Variants in SCD5 observed in about 807,000 individuals in gnomAD.
SCD5 encodes the protein stearoyl-CoA desaturase 5, also known as acyl-CoA-desaturase 4.
In SCD5, 20 loss-of-function variants were observed where a neutral mutation model predicts 30.4. The observed-to-expected ratio is 0.66, with a 90% CI of 0.46 to 0.96. SCD5 has a LOEUF of 0.96. Ranked by LOEUF, SCD5 falls within the 40% of genes least tolerant of loss-of-function variation. The pLI is 0.00. For synonymous variants in SCD5, 173 were observed against 176.4 expected (o/e 0.98, Z 0.16); for missense variants, 381 against 443.3 (o/e 0.86, Z 1.26).
chr4:82,672,952 A>G (rs1041594355), intron 3 of SCD5, among the ~76,000 whole-genome samples: 4 of 152,146 alleles, frequency 2.6e-5, no homozygotes, highest in African/African-American at 4.8e-5. Context: ...TCACATGACC[A>G]TATCAATAGA....
At chr4:82,752,360 G>A (rs900632034) in intron 1 of SCD5, among the ~76,000 whole-genome samples, 3 of 151,734 alleles carry the variant, frequency 2.0e-5, no homozygotes, top group African/African-American at 7.3e-5. Flanking sequence ...GGAAGCACAG[G>A]GACGTGGGAA....
At chr4:82,658,160 C>A (rs930988784) in intron 3 of SCD5, among the ~76,000 whole-genome samples, 1 of 152,186 alleles carries the variant, frequency 6.6e-6, no homozygotes, top group African/African-American at 2.4e-5. Context: ...GAGAGGGCAT[C>A]CTTGTCTTGT....
chr4:82,761,358 T>G (rs1016907709), intron 1 of SCD5, among the ~76,000 whole-genome samples: 1 of 152,200 alleles, frequency 6.6e-6, no homozygotes, highest in Non-Finnish European at 1.5e-5. Flanking sequence ...CTGGGTCCTC[T>G]TCCTCCACTA....
chr4:82,695,491 G>A (rs148564618), intron 2 of SCD5, among the ~76,000 whole-genome samples: 35 of 152,278 alleles, frequency 2.3e-4, no homozygotes, highest in African/African-American at 7.5e-4. Flanking sequence ...GGGATAACTA[G>A]GGAAATGGAG....
At chr4:82,636,863 A>C (rs1162015385) in intron 3 of SCD5, 40 bp from the exon 4 acceptor site, 1 of 1,520,848 alleles carries the variant, frequency 6.6e-7, no homozygotes. Flanking sequence ...GGACCCGCTG[A>C]TGGGAGAGAG....
At position 82,664,596 on chromosome 4, in the gene SCD5, C is replaced by G. The variant is rs1430674864; in HGVS notation, c.569+16111G>C. ...TATGGAAAAGGTGAACATGCATGAA[C>G]AGATGGGAGATTTTATCAATGTCTA... On this transcript the variant is annotated intron_variant, in intron 3 of 4. Coordinates refer to ENST00000319540, the MANE Select transcript of SCD5 (RefSeq NM_001037582.3). Among the ~76,000 whole-genome samples, 5 of 152,048 alleles carry G rather than the reference C, an allele frequency of 3.3e-5. No homozygotes were observed. In the East Asian group the frequency reaches 7.7e-4, roughly 23 times the overall value.
intron 1 of SCD5, among the ~76,000 whole-genome samples, chr4:82,706,085 A>T (rs902539175): frequency 3.3e-5 from 5 of 152,268 alleles, no homozygotes; most frequent in Admixed American, 2.6e-4. Context: ...AGAAAGCTGC[A>T]GTAAATAAAA....
intron 1 of SCD5, among the ~76,000 whole-genome samples, chr4:82,712,270 A>G (rs1186709969): frequency 6.2e-5 from 3 of 48,576 alleles, no homozygotes; most frequent in African/African-American, 4.2e-4. Flanking sequence ...ATATATATAT[A>G]TATATATATA....
chr4:82,708,612 G>C (rs1339323839), intron 1 of SCD5, among the ~76,000 whole-genome samples: 1 of 152,222 alleles, frequency 6.6e-6, no homozygotes, highest in Non-Finnish European at 1.5e-5. Flanking sequence ...ACAGAGTCCA[G>C]AGCTCCTTTG....
intron 1 of SCD5, among the ~76,000 whole-genome samples, chr4:82,741,517 G>A (rs28421847): frequency 0.016 from 2,436 of 152,284 alleles, 65 homozygotes; most frequent in African/African-American, 0.052. Flanking sequence ...CAGCCCAGGT[G>A]AGACCAGCAG....
intron 1 of SCD5, among the ~76,000 whole-genome samples, chr4:82,782,279 G>T (rs1721889356): frequency 6.6e-6 from 1 of 151,882 alleles, no homozygotes; most frequent in Non-Finnish European, 1.5e-5. Context: ...AGAGCTCCAT[G>T]AACCTCCATA....
chr4:82,723,873 T>C (rs1253107819), intron 1 of SCD5, among the ~76,000 whole-genome samples: 5 of 152,230 alleles, frequency 3.3e-5, no homozygotes, highest in African/African-American at 1.2e-4. Context: ...TGTGAAAGCC[T>C]GACTAGCTCC....
chr4:82,676,014 T>C (rs566589998), intron 3 of SCD5, among the ~76,000 whole-genome samples: 1 of 152,324 alleles, frequency 6.6e-6, no homozygotes, highest in African/African-American at 2.4e-5. Context: ...TGGGTACAGA[T>C]ATGGTCAATG....
intron 1 of SCD5, among the ~76,000 whole-genome samples, chr4:82,721,696 C>A (rs1156648): frequency 0.58 from 88,492 of 152,014 alleles, 27,284 homozygotes; most frequent in African/African-American, 0.79. Flanking sequence ...AAATCCTTCC[C>A]TCACAGCCCT....
intron 2 of SCD5, among the ~76,000 whole-genome samples, chr4:82,699,896 G>A (rs187156036): frequency 0.011 from 1,673 of 151,698 alleles, 32 homozygotes; most frequent in African/African-American, 0.038. Context: ...TCTTGACCTC[G>A]TAATCCGCCT....
At chr4:82,670,938 A>G (rs1344512346) in intron 3 of SCD5, among the ~76,000 whole-genome samples, 2 of 152,160 alleles carry the variant, frequency 1.3e-5, no homozygotes, top group African/African-American at 4.8e-5. Context: ...TAAAAGACAG[A>G]GACTATCAGA....
At chr4:82,739,566 G>A (rs1720829976) in intron 1 of SCD5, among the ~76,000 whole-genome samples, 1 of 152,210 alleles carries the variant, frequency 6.6e-6, no homozygotes, top group South Asian at 2.1e-4. Flanking sequence ...GGTGGCCCAG[G>A]CCAGGGCACA....
intron 1 of SCD5, among the ~76,000 whole-genome samples, chr4:82,792,212 G>A (rs932882976): frequency 9.2e-5 from 14 of 151,574 alleles, no homozygotes; most frequent in Non-Finnish European, 1.8e-4. Context: ...AGCTGAGATC[G>A]CACCACTGCA....
chr4:82,723,880 C>T (rs1473633703), intron 1 of SCD5, among the ~76,000 whole-genome samples: 1 of 152,180 alleles, frequency 6.6e-6, no homozygotes, highest in African/African-American at 2.4e-5. Flanking sequence ...GCCTGACTAG[C>T]TCCTAGCTCA....
Sources: allele counts gnomAD v4.1 joint callset (sites outside exome capture counted in the v4.1 genomes callset), GRCh38; gene constraint gnomAD v4.1.1; transcripts MANE v1.5; gene names NCBI Gene and HGNC (gene_info 2026-07-23, HGNC 2026-07-21).